The following SLC25A29 variants were observed in gnomAD, a reference collection of about 807,000 sequenced individuals.
SLC25A29 encodes solute carrier family 25 member 29, also known as mitochondrial basic amino acids transporter.
A neutral mutation model predicts 10.0 loss-of-function variants in SLC25A29; 13 were observed. The ratio of observed to expected loss-of-function variants is 1.30; its 90% CI spans 0.85 to 2.07. The LOEUF (loss-of-function observed/expected upper bound fraction) is 2.07, where lower values mean the gene tolerates loss of function less well. SLC25A29 is among the 30% of genes most tolerant of loss of function. The pLI is 0.00. For missense variants in SLC25A29, 475 were observed against 447.6 expected (o/e 1.06, Z -0.55); for synonymous variants, 244 against 221.1 (o/e 1.10, Z -0.92).
At position 100,292,349 on chromosome 14, in the gene SLC25A29, C is replaced by A; in HGVS notation, c.846G>T (p.Gly282=). The change falls in exon 4 of 4, where the codon GGG becomes GGT. Residue 282 remains glycine (G), a synonymous_variant. Transcript: ENST00000359232. ...CGGCGGGCACAGCCTCGCCCTCGGG[C>A]CCGGCCTCCTCGCCGCGCGCGTAGG... ...VLTYARGEEA[G]PEGEAVPAAP... 1 of 1,499,270 alleles carries A rather than the reference C, an allele frequency of 6.7e-7. No individual in the cohort carries two copies. The allele number at this position is 1,499,270 out of a possible 1,614,324, so 92.9% of individuals were successfully genotyped here. A position where few individuals can be genotyped will look rare whatever the true frequency, so the allele number is the denominator to read the frequency against.
chr14:100,301,755 C>T (rs530258568), intron 1 of SLC25A29, among the ~76,000 whole-genome samples: 15 of 152,036 alleles, frequency 9.9e-5, no homozygotes, highest in African/African-American at 3.6e-4. Context: ...CGTGATCCAC[C>T]CGCCTCGGCC....
At chr14:100,295,618 G>A (rs1374113649) in intron 2 of SLC25A29, 2 of 1,289,226 alleles carry the variant, frequency 1.6e-6, no homozygotes, top group Non-Finnish European at 2.0e-6. Context: ...CACCTGGTCT[G>A]TACTTACTAG....
At chr14:100,279,571 T>C in the SLC25A29 span, 5 of 152,282 alleles carry the variant, frequency 3.3e-5, no homozygotes, top group African/African-American at 1.2e-4. Flanking sequence ...CTTTGCTGTA[T>C]CTGGCAGTCA....
At chr14:100,288,267 A>T (rs983467176), downstream of SLC25A29, among the ~76,000 whole-genome samples, 5 of 150,436 alleles carry the variant, frequency 3.3e-5, no homozygotes, top group African/African-American at 1.2e-4. Flanking sequence ...CTATAATCCC[A>T]GCTTCTCAGG....
intron 1 of SLC25A29, among the ~76,000 whole-genome samples, chr14:100,301,141 C>T (rs1472841741): frequency 2.6e-5 from 4 of 151,552 alleles, no homozygotes; most frequent in Non-Finnish European, 4.4e-5. Context: ...CCTTGTGGCC[C>T]GCCCACTTTG....
intron 1 of SLC25A29, among the ~76,000 whole-genome samples, chr14:100,303,973 T>C (rs908821233): frequency 6.6e-6 from 1 of 152,014 alleles, no homozygotes; most frequent in Non-Finnish European, 1.5e-5. Flanking sequence ...TTTGGGTTGA[T>C]CCCCCAGTAG....
At chr14:100,283,557 C>A in the SLC25A29 span, among the ~76,000 whole-genome samples, 1 of 150,882 alleles carries the variant, frequency 6.6e-6, no homozygotes, top group Admixed American at 6.6e-5. Flanking sequence ...GCAATCTCAG[C>A]TCACTGCAAC....
At chr14:100,298,651 G>A in intron 2 of SLC25A29, 191 bp downstream of exon 2, 1 of 718,334 alleles carries the variant, frequency 1.4e-6, no homozygotes, top group Admixed American at 2.3e-5. Flanking sequence ...ACTTGGCCAT[G>A]AACCCAGCAT....
rs942053506 is a variant in SLC25A29, at chr14:100,291,238, C to A, written c.*1045G>T. The A allele has an allele frequency of 6.6e-6, 1 of 152,312 alleles. No individual in the cohort carries two copies. Among genetic ancestry groups the A allele is most frequent in the Non-Finnish European group, 1.5e-5 (1 of 68,088 alleles). 9.4% of individuals were successfully genotyped at this position (152,312 alleles called of 1,614,324 possible). On this transcript the variant is annotated 3_prime_UTR_variant, in exon 4 of 4. Coordinates refer to ENST00000359232, the MANE Select transcript of SLC25A29 (RefSeq NM_001039355.3). ...GGACGCCTGGTGCAGCCCTCCTCTGCCCCAGGCCCCAACTAGCCACCCCTG... is the reference window on the plus strand; with the variant it reads ...GGACGCCTGGTGCAGCCCTCCTCTGACCCAGGCCCCAACTAGCCACCCCTG...
intron 2 of SLC25A29, chr14:100,295,558 G>C: frequency 7.9e-7 from 1 of 1,272,514 alleles, no homozygotes; most frequent in Non-Finnish European, 1.0e-6. Flanking sequence ...GGGAACTCTG[G>C]GGTTGGGGAG....
intron 1 of SLC25A29, among the ~76,000 whole-genome samples, chr14:100,303,863 G>T (rs963832556): frequency 1.3e-5 from 2 of 152,116 alleles, no homozygotes; most frequent in African/African-American, 4.8e-5. Context: ...CTTCCCTCTT[G>T]GGGTTACCTC....
At chr14:100,288,382 CAAAAAAA>C (rs541814439), downstream of SLC25A29, among the ~76,000 whole-genome samples, 118 of 63,840 alleles carry the variant, frequency 1.8e-3, no homozygotes, top group African/African-American at 7.1e-3. Flanking sequence ...AACTCTATCT[CAAAAAAA>C]AAAAAAAAAA....
chr14:100,293,354 C>CT lies in SLC25A29; in HGVS notation c.101_102insA (p.Glu35GlyfsTer127). ...ACGTCCCGCGGTACTGAGGCTTCTC[C>CT]ACGCTCTGGACCTGAAGCCGTACCT... On this transcript the variant is annotated frameshift_variant, in exon 3 of 4. Transcript: ENST00000359232. LOFTEE classifies it high-confidence loss of function. 6.2e-7 allele frequency: 1 copy of CT among 1,613,282 alleles called. No homozygotes were observed. Among genetic ancestry groups the CT allele is most frequent in the Non-Finnish European group, 8.5e-7 (1 of 1,179,978 alleles).
At chr14:100,295,998 G>A (rs1182187954) in intron 2 of SLC25A29, 9 of 1,289,280 alleles carry the variant, frequency 7.0e-6, no homozygotes, top group Non-Finnish European at 9.1e-6. Flanking sequence ...AAGGGCCTGG[G>A]GGAATAAACT....
At chr14:100,279,238 C>G in the SLC25A29 span, 1 of 152,206 alleles carries the variant, frequency 6.6e-6, no homozygotes, top group Non-Finnish European at 1.5e-5. Flanking sequence ...GTGTGTCTTT[C>G]TGTTTTGTGT....
the SLC25A29 span, among the ~76,000 whole-genome samples, chr14:100,284,396 G>A: frequency 6.6e-6 from 1 of 152,016 alleles, no homozygotes; most frequent in Non-Finnish European, 1.5e-5. Context: ...CATTGTGACC[G>A]TTCCCCTCGG....
At chr14:100,297,450 C>T (rs1254128846) in intron 2 of SLC25A29, among the ~76,000 whole-genome samples, 1 of 152,224 alleles carries the variant, frequency 6.6e-6, no homozygotes, top group Non-Finnish European at 1.5e-5. Context: ...GAGCCCAGGC[C>T]TCCACGGAGC....
In SLC25A29 at chr14:100,299,807, C is replaced by G. The variant is rs1315929288; in HGVS notation, c.35-922G>C. 4.1e-6 allele frequency: 4 copies of G among 985,322 alleles called. No individual in the cohort carries two copies. The African/African-American group carries it at 7.0e-5, about 17-fold the overall frequency. 61.0% of individuals were successfully genotyped at this position (985,322 alleles called of 1,614,324 possible). A position where few individuals can be genotyped will look rare whatever the true frequency, so the allele number is the denominator to read the frequency against. On this transcript the variant is annotated intron_variant, in intron 1 of 3. Transcript: ENST00000359232. ...TCACGTGGACATCTGTTCAAGCTCTCCCTTTACTGCCAGTAGCGTTTATGT... is the reference window on the plus strand; with the variant it reads ...TCACGTGGACATCTGTTCAAGCTCTGCCTTTACTGCCAGTAGCGTTTATGT...
At chr14:100,284,675 T>C in the SLC25A29 span, among the ~76,000 whole-genome samples, 1 of 152,174 alleles carries the variant, frequency 6.6e-6, no homozygotes, top group South Asian at 2.1e-4. Context: ...AGGCCCTGTT[T>C]TAGGCAGGAA....
Sources: allele counts gnomAD v4.1 joint callset (sites outside exome capture counted in the v4.1 genomes callset), GRCh38; gene constraint gnomAD v4.1.1; transcripts MANE v1.5; gene names NCBI Gene and HGNC (gene_info 2026-07-23, HGNC 2026-07-21).